The following ZNF568 variants were observed in gnomAD, a reference collection of about 807,000 sequenced individuals.
ZNF568 encodes p53 inhibitor of SCO2 activation.
In ZNF568, 11 loss-of-function variants were observed where a neutral mutation model predicts 18.1. That is an observed-to-expected ratio of 0.61 (90% CI 0.38 to 1.00). The LOEUF (loss-of-function observed/expected upper bound fraction) is 1.00. Ranked by LOEUF, ZNF568 falls within the 50% of genes least tolerant of loss-of-function variation. The pLI, the probability that ZNF568 is intolerant of heterozygous loss-of-function variation, is 0.01. For missense variants in ZNF568, 639 were observed against 768.2 expected (o/e 0.83, Z 1.99); for synonymous variants, 213 against 246.6 (o/e 0.86, Z 1.28).
chr19:36,953,114 C>T (rs1045791440), downstream of ZNF568, among the ~76,000 whole-genome samples: 10 of 152,128 alleles, frequency 6.6e-5, no homozygotes, highest in South Asian at 2.1e-4. Context: ...CTACTACTCA[C>T]GGTGCCTGTC....
chr19:36,944,404 A>C (rs1568389630), intron 6 of ZNF568, among the ~76,000 whole-genome samples: 1 of 152,034 alleles, frequency 6.6e-6, no homozygotes, highest in South Asian at 2.1e-4. Flanking sequence ...ATCTCAAAAA[A>C]AAAACAAAAA....
chr19:36,939,013 G>A (rs111441085), intron 6 of ZNF568, among the ~76,000 whole-genome samples: 2,585 of 152,260 alleles, frequency 0.017, 34 homozygotes, highest in African/African-American at 0.036. Context: ...TTTACAGAAG[G>A]ATAGTGTTGA....
At chr19:36,970,535 C>T (rs114264778) in intron 6 of ZNF568, among the ~76,000 whole-genome samples, 1,985 of 151,812 alleles carry the variant, frequency 0.013, 43 homozygotes, top group African/African-American at 0.045. Flanking sequence ...GGGGTTTTGC[C>T]ATGTTGCCGA....
At chr19:36,935,386 C>G (rs1358405680) in intron 4 of ZNF568, among the ~76,000 whole-genome samples, 1 of 151,718 alleles carries the variant, frequency 6.6e-6, no homozygotes, top group East Asian at 1.9e-4. Context: ...ATGGTGAAAC[C>G]CCATCTCTAC....
At chr19:36,980,980 A>G (rs994394239), downstream of ZNF568, among the ~76,000 whole-genome samples, 3 of 152,180 alleles carry the variant, frequency 2.0e-5, no homozygotes, top group Non-Finnish European at 2.9e-5. Context: ...CTCACCATAA[A>G]TAACAAAGAC....
chr19:36,916,780 G>C lies in ZNF568; in HGVS notation c.-256+189G>C, dbSNP rs2073342603. Among the ~76,000 whole-genome samples, 1 of 152,120 alleles carries C rather than the reference G, an allele frequency of 6.6e-6. No homozygotes were observed. Among genetic ancestry groups the C allele is most frequent in the Non-Finnish European group, 1.5e-5 (1 of 68,008 alleles). On this transcript the variant is annotated intron_variant, in intron 1 of 6. Coordinates refer to ENST00000333987, the MANE Select transcript of ZNF568 (RefSeq NM_198539.4). This position sits in a 1 kb window ranked among gnomAD's most constrained non-coding sequence, Gnocchi z 5.3. ...AGGCTGTAGCGAGTGTGAACGTGGC[G>C]AAGTGTGCGTGATTGTAATATGTCT... is the stretch of plus-strand genomic sequence containing the variant.
intron 7 of ZNF568, chr19:36,974,482 C>G: frequency 6.5e-7 from 1 of 1,535,550 alleles, no homozygotes; most frequent in East Asian, 2.4e-5. Context: ...TTGCATTTGA[C>G]ATTTTCTTGG....
Position 36,962,277 on chromosome 19 carries a change from GTTTTTTT to G in ZNF568, c.359-12126_359-12120del, listed in dbSNP as rs71177418. The stretch of plus-strand genomic sequence containing the variant: ...TTTTCATGATGGTAAGTGTTGCAGT[GTTTTTTT>G]TTTTTTTTTTTTTTTTGCTTCCAGG... On this transcript the variant is annotated intron_variant, in intron 6 of 7. Coordinates refer to the ZNF568 transcript ENST00000427117. Among the ~76,000 whole-genome samples, 14 of 45,286 alleles carry G rather than the reference GTTTTTTT, an allele frequency of 3.1e-4. No individual in the cohort carries two copies. In the South Asian group the frequency reaches 0.013, roughly 44 times the overall value. 29.7% of individuals were successfully genotyped at this position (45,286 alleles called of 152,430 possible). A position where few individuals can be genotyped will look rare whatever the true frequency, so the allele number is the denominator to read the frequency against.
In ZNF568 at chr19:36,996,643, T is replaced by A. The variant is rs140770695; in HGVS notation, c.556T>A (p.Cys186Ser). Residue 186 changes from cysteine (C) to serine (S), a missense_variant, in exon 5 of 5, where the codon TGT (cysteine) becomes AGT (serine). Physicochemically the swap from Cys to Ser is moderately radical, Grantham distance 112 (BLOSUM62 -1). Transcript: ENST00000433993. Reference sequence around the variant, plus strand: ...GGAAAAAGAACCTGAATGTGGAGAATGTAGGAAAATCTTTAATAGTGGATC... The same window carrying A: ...GGAAAAAGAACCTGAATGTGGAGAAAGTAGGAAAATCTTTAATAGTGGATC... 613 of 1,535,242 alleles carry A rather than the reference T, an allele frequency of 4.0e-4. 4 individuals are homozygous for A. In the African/African-American group the frequency reaches 7.4e-3, roughly 19 times the overall value.
Position 36,950,182 on chromosome 19 carries a change from C to T in ZNF568, c.1029C>T (p.Phe343=). 1 of 1,613,520 alleles carries T rather than the reference C, an allele frequency of 6.2e-7. No individual in the cohort carries two copies. Among genetic ancestry groups the T allele is most frequent in the Non-Finnish European group, 8.5e-7 (1 of 1,179,674 alleles). The change falls in exon 7 of 7, where the codon TTC becomes TTT. Residue 343 remains phenylalanine (F), a synonymous_variant. Coordinates refer to ENST00000333987, the MANE Select transcript of ZNF568 (RefSeq NM_198539.4). ...AATGTAAGGAATGTGGGAAATCCTT[C>T]AGCCAGAAGCAAAATCTTATTGAGC... ...PYECKECGKS[F]SQKQNLIEHE...
At chr19:36,983,627 T>C (rs1443276860), downstream of ZNF568, among the ~76,000 whole-genome samples, 2 of 152,180 alleles carry the variant, frequency 1.3e-5, no homozygotes. Context: ...TATTCTGTTT[T>C]TACTGACTTT....
chr19:36,932,767 C>T (rs559155956), intron 4 of ZNF568, among the ~76,000 whole-genome samples: 27 of 152,238 alleles, frequency 1.8e-4, no homozygotes, highest in Non-Finnish European at 2.6e-4. Flanking sequence ...TTGATTTACA[C>T]GTACTGTATA....
At chr19:36,986,790 G>A (rs947826795) in intron 2 of ZNF568, among the ~76,000 whole-genome samples, 13 of 152,104 alleles carry the variant, frequency 8.5e-5, no homozygotes, top group Admixed American at 3.3e-4. Flanking sequence ...ATTCCCTTCC[G>A]CCTTTGATCT....
At chr19:36,925,571 A>C (rs1568380115) in intron 4 of ZNF568, among the ~76,000 whole-genome samples, 1 of 152,190 alleles carries the variant, frequency 6.6e-6, no homozygotes, top group South Asian at 2.1e-4. Flanking sequence ...TTTAAGTAAA[A>C]GGCTTTTAAC....
intron 2 of ZNF568, among the ~76,000 whole-genome samples, chr19:36,921,695 G>C (rs2073459239): frequency 6.6e-6 from 1 of 151,946 alleles, no homozygotes; most frequent in Non-Finnish European, 1.5e-5. Flanking sequence ...TATTTTAATA[G>C]TCATTTCGTA....
In ZNF568 at chr19:36,949,861, C is replaced by G. The variant is rs1311932350; in HGVS notation, c.708C>G (p.Asp236Glu). Residue 236 changes from aspartate to glutamate, a missense_variant, in exon 7 of 7, where the codon GAC becomes GAG. Transcript: ENST00000333987. Reference sequence around the variant, plus strand: ...GACAAGACTTCAGTCATAAATTTGACCTCATTAGACATGAGCGAATTCATG... The same window carrying G: ...GACAAGACTTCAGTCATAAATTTGAGCTCATTAGACATGAGCGAATTCATG... ...QCGQDFSHKF[D>E]LIRHERIHAG... 1.2e-6 allele frequency: 2 copies of G among 1,613,802 alleles called. No homozygotes were observed. Among genetic ancestry groups the G allele is most frequent in the Non-Finnish European group, 1.7e-6 (2 of 1,179,946 alleles).
chr19:36,962,612 A>T (rs912125637), intron 6 of ZNF568, among the ~76,000 whole-genome samples: 1 of 152,244 alleles, frequency 6.6e-6, no homozygotes, highest in Non-Finnish European at 1.5e-5. Flanking sequence ...TAGTGCTGAG[A>T]TAACAGGTGT....
intron 7 of ZNF568, among the ~76,000 whole-genome samples, chr19:36,978,532 C>T (rs967429950): frequency 2.0e-5 from 3 of 152,114 alleles, no homozygotes; most frequent in African/African-American, 7.2e-5. Flanking sequence ...TTTTCTAAGT[C>T]CCAGTTAATC....
intron 2 of ZNF568, among the ~76,000 whole-genome samples, chr19:36,918,458 G>A (rs1032631854): frequency 3.3e-5 from 5 of 149,690 alleles, no homozygotes; most frequent in African/African-American, 1.0e-4. Context: ...ATTGTTACAC[G>A]TTATTGTTTA....
Sources: allele counts gnomAD v4.1 joint callset (sites outside exome capture counted in the v4.1 genomes callset), GRCh38; gene constraint gnomAD v4.1.1; non-coding constraint Gnocchi (gnomAD v3.1); transcripts MANE v1.5; gene names NCBI Gene and HGNC (gene_info 2026-07-23, HGNC 2026-07-21).